The following CORIN variants were observed in gnomAD, a reference collection of about 807,000 sequenced individuals.
The protein encoded by CORIN is corin, serine peptidase, also known as atrial natriuretic peptide-converting enzyme.
A neutral mutation model predicts 125.3 loss-of-function variants in CORIN; 117 were observed. The observed-to-expected ratio is 0.93, with a 90% confidence interval of 0.80 to 1.09. The LOEUF is 1.09. Ranked by LOEUF, CORIN falls within the 50% of genes least tolerant of loss-of-function variation. The pLI, the probability that CORIN is intolerant of heterozygous loss-of-function variation, is 0.00. For synonymous variants in CORIN, 450 were observed against 466.4 expected (o/e 0.96, Z 0.45); for missense variants, 1,253 against 1,306.7 (o/e 0.96, Z 0.63).
At chr4:47,693,142 T>C in intron 5 of CORIN, 59 bp from the exon 6 acceptor site, 1 of 1,078,404 alleles carries the variant, frequency 9.3e-7, no homozygotes, top group Non-Finnish European at 1.4e-6. Flanking sequence ...TCTTTTAAGA[T>C]TACAAAAAAT....
At chr4:47,735,543 C>A (rs751282535) in intron 5 of CORIN, among the ~76,000 whole-genome samples, 59 of 152,160 alleles carry the variant, frequency 3.9e-4, no homozygotes, top group Non-Finnish European at 7.4e-4. Flanking sequence ...GATCATCAAT[C>A]TCTTCCAAGA....
At chr4:47,616,212 TAA>T (rs1722061874) in intron 19 of CORIN, among the ~76,000 whole-genome samples, 1 of 152,136 alleles carries the variant, frequency 6.6e-6, no homozygotes, top group South Asian at 2.1e-4. Context: ...GATATAAATT[TAA>T]AAGTTATGAA....
intron 1 of CORIN, among the ~76,000 whole-genome samples, chr4:47,828,069 C>T (rs766759012): frequency 1.1e-4 from 16 of 152,174 alleles, no homozygotes; most frequent in Non-Finnish European, 2.4e-4. Context: ...GAAGAATTAG[C>T]AAATGCCCAC....
intron 5 of CORIN, among the ~76,000 whole-genome samples, chr4:47,713,798 T>A (rs541934616): frequency 8.1e-4 from 123 of 152,158 alleles, no homozygotes; most frequent in Non-Finnish European, 1.2e-3. Context: ...TGTTTTTTTT[T>A]AAATAAAAGT....
In CORIN at chr4:47,694,025, T is replaced by C. The variant is rs924404220; in HGVS notation, c.800-942A>G. The stretch of plus-strand genomic sequence containing the variant: ...ATTTATGTTTTATGTTTAATGATAT[T>C]CATACCATCATTGTTTAAAATGAGG... On this transcript the variant is annotated intron_variant, in intron 5 of 21. Coordinates refer to ENST00000273857, the MANE Select transcript of CORIN (RefSeq NM_006587.4). Among the ~76,000 whole-genome samples, 10 of 152,328 alleles carry C rather than the reference T, an allele frequency of 6.6e-5. No individual in the cohort carries two copies. In the East Asian group the frequency reaches 1.9e-3, roughly 29 times the overall value.
chr4:47,732,195 T>G (rs1345056457), intron 5 of CORIN, among the ~76,000 whole-genome samples: 1 of 152,008 alleles, frequency 6.6e-6, no homozygotes, highest in African/African-American at 2.4e-5. Context: ...AAGGGGCCAG[T>G]AGACAAAGGA....
chr4:47,770,668 T>C (rs1729984873), intron 3 of CORIN, among the ~76,000 whole-genome samples: 1 of 152,144 alleles, frequency 6.6e-6, no homozygotes, highest in Non-Finnish European at 1.5e-5. Context: ...ATGTAGTATA[T>C]ACACACAATG....
intron 1 of CORIN, among the ~76,000 whole-genome samples, chr4:47,821,296 TTAAC>T (rs1335230501): frequency 6.6e-6 from 1 of 151,794 alleles, no homozygotes; most frequent in East Asian, 1.9e-4. Flanking sequence ...TATGTTCAAT[TTAAC>T]TACAACAGAG....
At position 47,819,490 on chromosome 4, in the gene CORIN, T is replaced by C. The variant is rs73137922; in HGVS notation, c.64-12443A>G. Among the ~76,000 whole-genome samples, 275 of 152,064 alleles carry C rather than the reference T, an allele frequency of 1.8e-3. 1 individual carries two copies. Among genetic ancestry groups the C allele is most frequent in the African/African-American group, 6.4e-3 (264 of 41,488 alleles). On this transcript the variant is annotated intron_variant, in intron 1 of 21. Transcript: ENST00000273857. The stretch of plus-strand genomic sequence containing the variant: ...GAGGAAGAGGGGACAGAGACAAAAA[T>C]AGCCAGGGAAAGACAATCTCTTTAC...
intron 9 of CORIN, among the ~76,000 whole-genome samples, chr4:47,676,441 C>G (rs952578820): frequency 6.6e-6 from 1 of 152,112 alleles, no homozygotes; most frequent in Non-Finnish European, 1.5e-5. Context: ...TTGTCTGAGG[C>G]GCTTTACCAG....
intron 1 of CORIN, among the ~76,000 whole-genome samples, chr4:47,822,620 C>T (rs547757076): frequency 1.3e-5 from 2 of 152,140 alleles, no homozygotes; most frequent in African/African-American, 2.4e-5. Flanking sequence ...GGATTAAATT[C>T]AGACATCTTT....
At chr4:47,662,794 C>G (rs901235257) in intron 11 of CORIN, among the ~76,000 whole-genome samples, 29 of 152,212 alleles carry the variant, frequency 1.9e-4, no homozygotes, top group African/African-American at 7.0e-4. Flanking sequence ...TCCAGTCTTG[C>G]CCAAAACTGG....
At chr4:47,658,776 C>T (rs1396250422) in intron 12 of CORIN, among the ~76,000 whole-genome samples, 1 of 152,240 alleles carries the variant, frequency 6.6e-6, no homozygotes, top group Non-Finnish European at 1.5e-5. Flanking sequence ...ATACAAATTT[C>T]TCCAGCAATT....
In CORIN at chr4:47,626,413, T is replaced by C. The variant is rs751846324; in HGVS notation, c.2307A>G (p.Leu769=). The part of the protein sequence containing the change: ...SLNGTTLHEL[L]VNGQSCESRS... ...TATGAATGCATTCTTACCCATTTAC[T>C]AGAAGTTCATGTAAAGTGGTCCCAT... is the stretch of plus-strand genomic sequence containing the variant. The change falls in exon 17 of 22, where the codon CTA becomes CTG. Residue 769 remains leucine, a synonymous_variant. Coordinates refer to ENST00000273857, the MANE Select transcript of CORIN (RefSeq NM_006587.4). The C allele has an allele frequency of 1.9e-6, 3 of 1,589,056 alleles. 1 individual carries two copies. Among genetic ancestry groups the C allele is most frequent in the South Asian group, 2.2e-5 (2 of 90,562 alleles).
intron 11 of CORIN, 119 bp downstream of exon 11, chr4:47,664,908 ATAAAG>A (rs1724406353): frequency 1.7e-6 from 1 of 585,670 alleles, no homozygotes; most frequent in Non-Finnish European, 3.0e-6. Context: ...CTTGTTAAAT[ATAAAG>A]TATTTGATAA....
At chr4:47,787,138 C>G (rs1730853588) in intron 2 of CORIN, among the ~76,000 whole-genome samples, 2 of 152,200 alleles carry the variant, frequency 1.3e-5, no homozygotes, top group African/African-American at 4.8e-5. Flanking sequence ...ACAAATCACA[C>G]AGCCCTGTGA....
At chr4:47,703,677 T>C (rs17654327) in intron 5 of CORIN, among the ~76,000 whole-genome samples, 20,147 of 152,248 alleles carry the variant, frequency 0.13, 1,688 homozygotes, top group East Asian at 0.31. Context: ...CCAAATCAGG[T>C]AAGGCCCAGT....
At chr4:47,723,260 T>C (rs970718723) in intron 5 of CORIN, among the ~76,000 whole-genome samples, 1 of 152,218 alleles carries the variant, frequency 6.6e-6, no homozygotes, top group Non-Finnish European at 1.5e-5. Context: ...AAATGGTCCC[T>C]GGAAGTCAGA....
At chr4:47,835,436 A>G (rs543031434) in intron 1 of CORIN, among the ~76,000 whole-genome samples, 26 of 152,194 alleles carry the variant, frequency 1.7e-4, no homozygotes, top group Non-Finnish European at 2.9e-4. Context: ...TTACCCCAGC[A>G]GTGGGGACAC....
Sources: allele counts gnomAD v4.1 joint callset (sites outside exome capture counted in the v4.1 genomes callset), GRCh38; gene constraint gnomAD v4.1.1; transcripts MANE v1.5; gene names NCBI Gene and HGNC (gene_info 2026-07-23, HGNC 2026-07-21).